The following MAP6 variants were observed in gnomAD, a reference collection of about 807,000 sequenced individuals.
MAP6 encodes microtubule-associated protein 6.
In MAP6, 26 loss-of-function variants were observed where a neutral mutation model predicts 42.4. The observed-to-expected ratio is 0.61, with a 90% confidence interval of 0.45 to 0.85. The LOEUF (loss-of-function observed/expected upper bound fraction) is 0.85. Among genes scored for constraint, MAP6 ranks in the 40% least tolerant of loss-of-function variants. MAP6 has a pLI of 0.00. For missense variants in MAP6, 966 were observed against 1,099.0 expected (o/e 0.88, Z 1.71); for synonymous variants, 418 against 443.8 (o/e 0.94, Z 0.73).
In MAP6 at chr11:75,631,820, CACTGGGTGTACAAAT is replaced by C. The variant is rs537708065; in HGVS notation, c.906-23513_906-23499del. On this transcript the variant is annotated intron_variant, in intron 1 of 3. Coordinates refer to ENST00000304771, the MANE Select transcript of MAP6 (RefSeq NM_033063.2). ...AATTTCTGCTGTCGCAGGAGATAGG[CACTGGGTGTACAAAT>C]ATTTCACGTAGATGGAATGATCCAA... Among the ~76,000 whole-genome samples, 17 of 152,342 alleles carry C rather than the reference CACTGGGTGTACAAAT, an allele frequency of 1.1e-4. No individual in the cohort carries two copies. In the South Asian group the frequency reaches 3.5e-3, roughly 32 times the overall value.
At chr11:75,635,481 A>C (rs1267416394) in intron 1 of MAP6, among the ~76,000 whole-genome samples, 1 of 152,184 alleles carries the variant, frequency 6.6e-6, no homozygotes, top group Non-Finnish European at 1.5e-5. Flanking sequence ...CAAGGCCAAA[A>C]GACTTAGCAA....
At chr11:75,630,356 G>C (rs1207848818) in intron 1 of MAP6, among the ~76,000 whole-genome samples, 2 of 152,082 alleles carry the variant, frequency 1.3e-5, no homozygotes, top group Non-Finnish European at 2.9e-5. Flanking sequence ...ATTTTTCTTT[G>C]CATGTTTGGC....
At chr11:75,620,162 C>T (rs1361723089) in intron 1 of MAP6, among the ~76,000 whole-genome samples, 1 of 152,148 alleles carries the variant, frequency 6.6e-6, no homozygotes, top group Non-Finnish European at 1.5e-5. Context: ...ATCCTAACAA[C>T]TTCTTTTAGA....
chr11:75,662,242 G>A (rs1044133601), intron 1 of MAP6, among the ~76,000 whole-genome samples: 5 of 151,744 alleles, frequency 3.3e-5, no homozygotes, highest in African/African-American at 1.2e-4. Flanking sequence ...TTCCATATAC[G>A]GAAAAATTCA....
chr11:75,622,084 A>G (rs1943121711), intron 1 of MAP6, among the ~76,000 whole-genome samples: 1 of 152,144 alleles, frequency 6.6e-6, no homozygotes, highest in Non-Finnish European at 1.5e-5. Flanking sequence ...ACTAGAAAAA[A>G]TGAGTGAGTT....
At chr11:75,601,618 G>A (rs944864975) in intron 3 of MAP6, among the ~76,000 whole-genome samples, 2 of 152,034 alleles carry the variant, frequency 1.3e-5, no homozygotes, top group Admixed American at 6.6e-5. Flanking sequence ...GTTGCCTGAC[G>A]CATAAGCAAG....
At chr11:75,651,142 C>A (rs1943639838) in intron 1 of MAP6, among the ~76,000 whole-genome samples, 2 of 152,168 alleles carry the variant, frequency 1.3e-5, no homozygotes, top group East Asian at 1.9e-4. Context: ...ATAGTCATAT[C>A]CCCAGAGCCT....
rs1030476396 is a variant in MAP6 at position 75,668,429 on chromosome 11, A to T, written c.-60T>A. ...TTGTGGTTCTAAAGCAAGTCTCTATAATCTTCCTTCAGCCTCCGATCCTGA... is the reference window on the plus strand; with the variant it reads ...TTGTGGTTCTAAAGCAAGTCTCTATTATCTTCCTTCAGCCTCCGATCCTGA... On this transcript the variant is annotated 5_prime_UTR_variant, in exon 1 of 4. Transcript: ENST00000304771. 16 of 1,523,846 alleles carry T rather than the reference A, an allele frequency of 1.0e-5. No individual in the cohort carries two copies. The highest frequency in any genetic ancestry group is 1.3e-5 in the Non-Finnish European group (15 of 1,141,148). The allele number at this position is 1,523,846 out of a possible 1,614,324, so 94.4% of individuals were successfully genotyped here.
intron 1 of MAP6, among the ~76,000 whole-genome samples, chr11:75,641,255 G>A (rs1432885958): frequency 6.7e-6 from 1 of 149,026 alleles, no homozygotes. Flanking sequence ...AACACTGCAT[G>A]TTCTCACTCA....
rs151057279 is a variant in MAP6, at chr11:75,587,707, C to T, written c.1794G>A (p.Met598Ile). The change falls in exon 4 of 4, where the codon ATG (methionine) becomes ATA (isoleucine). Residue 598 changes from methionine (M) to isoleucine (I), a missense_variant. Met to Ile is a conservative substitution (Grantham distance 10). This residue lies in a region of MAP6 where 943 missense variants were observed against 1,049.9 expected (regional missense o/e 0.90). Coordinates refer to ENST00000304771, the MANE Select transcript of MAP6 (RefSeq NM_033063.2). ...VSASVKDQGP[M>I]VSAPVKDQGP... ...CTTGATCCTTGACAGGTGCTGAGAC[C>T]ATGGGACCTTGATCCTTGACAGATG... 4.0e-4 allele frequency: 640 copies of T among 1,613,278 alleles called. 5 individuals carry two copies. The highest frequency in any genetic ancestry group is 7.0e-5 in the Non-Finnish European group (83 of 1,179,716).
intron 2 of MAP6, chr11:75,607,609 TGTTTA>T (rs2135589486): frequency 1.0e-6 from 1 of 984,458 alleles, no homozygotes; most frequent in East Asian, 1.1e-4. Flanking sequence ...TAGTGGATGG[TGTTTA>T]GCCCGAGAAG....
intron 1 of MAP6, among the ~76,000 whole-genome samples, chr11:75,657,113 T>A (rs1454579073): frequency 7.2e-6 from 1 of 138,496 alleles, no homozygotes; most frequent in South Asian, 2.1e-4. Context: ...AGACACTATT[T>A]TTTTTTTTTT....
At chr11:75,657,396 C>A (rs1424110907) in intron 1 of MAP6, among the ~76,000 whole-genome samples, 1 of 152,182 alleles carries the variant, frequency 6.6e-6, no homozygotes, top group Non-Finnish European at 1.5e-5. Flanking sequence ...CAGGCGTGAG[C>A]CACCATGCCC....
intron 1 of MAP6, among the ~76,000 whole-genome samples, chr11:75,612,690 G>C (rs1942921566): frequency 6.6e-6 from 1 of 152,304 alleles, no homozygotes; most frequent in South Asian, 2.1e-4. Context: ...AGCATGTGCT[G>C]TGCCTGGGAA....
At position 75,615,613 on chromosome 11, in the gene MAP6, T is replaced by C. The variant is rs574122101; in HGVS notation, c.906-7291A>G. ...GATAATCAAATATCTGTGATAGCTA[T>C]TGTTATACTTCTGAATGCTGAAGTC... is the stretch of plus-strand genomic sequence containing the variant. On this transcript the variant is annotated intron_variant, in intron 1 of 3. Transcript: ENST00000304771. Among the ~76,000 whole-genome samples the C allele has an allele frequency of 3.0e-4, 45 of 152,292 alleles. 1 individual carries two copies. Among genetic ancestry groups the C allele is most frequent in the Middle Eastern group, 6.8e-3 (2 of 294 alleles).
rs536534011 is a variant in MAP6 at position 75,587,370 on chromosome 11, C to T, written c.2131G>A (p.Glu711Lys). The T allele has an allele frequency of 1.4e-5, 22 of 1,614,084 alleles. No individual in the cohort carries two copies. The highest frequency in any genetic ancestry group is 7.7e-5 in the South Asian group (7 of 91,064). ...PVKNQGPVVPESVKNQDPILP... is the reference protein window; with the variant it reads ...PVKNQGPVVPKSVKNQDPILP... Reference sequence around the variant, plus strand: ...ATGGGGTCTTGATTCTTCACGGACTCGGGGACCACAGGACCTTGATTCTTT... The same window carrying T: ...ATGGGGTCTTGATTCTTCACGGACTTGGGGACCACAGGACCTTGATTCTTT... Residue 711 changes from glutamate (E) to lysine (K), a missense_variant, in exon 4 of 4, where the codon GAG (glutamate) becomes AAG (lysine). Physicochemically the swap from Glu to Lys is moderately conservative, Grantham distance 56. Transcript: ENST00000304771.
intron 3 of MAP6, among the ~76,000 whole-genome samples, chr11:75,597,838 C>T (rs746338426): frequency 1.3e-5 from 2 of 152,202 alleles, no homozygotes; most frequent in African/African-American, 2.4e-5. Flanking sequence ...CACTAGATGG[C>T]GTTAATCTCA....
intron 1 of MAP6, among the ~76,000 whole-genome samples, chr11:75,615,500 G>A (rs1040320930): frequency 1.3e-5 from 2 of 149,880 alleles, no homozygotes; most frequent in Admixed American, 6.7e-5. Flanking sequence ...CTCCAGACAC[G>A]GAGCTAGAAA....
intron 1 of MAP6, among the ~76,000 whole-genome samples, chr11:75,627,185 C>T (rs1943212323): frequency 6.6e-6 from 1 of 152,260 alleles, no homozygotes; most frequent in Admixed American, 6.5e-5. Context: ...CACAGACACT[C>T]CGCACCTGAC....
Sources: gnomAD v4.1 joint callset for allele counts (sites outside exome capture counted in the v4.1 genomes callset) on GRCh38, gnomAD v4.1.1 for gene constraint, gnomAD v4.1.1 regional missense constraint, MANE v1.5 for transcripts, NCBI Gene and HGNC (gene_info 2026-07-23, HGNC 2026-07-21) for gene names.